TBC1D5: variants seen among roughly 807,000 people sequenced by gnomAD.
TBC1D5 encodes TBC1 domain family member 5, also known as TBC1 domain family, member 5.
A neutral mutation model predicts 100.3 loss-of-function variants in TBC1D5; 75 were observed. That is an observed-to-expected ratio of 0.75 (90% CI 0.62 to 0.91). TBC1D5 has a LOEUF of 0.91. Ranked by LOEUF, TBC1D5 falls within the 40% of genes least tolerant of loss-of-function variation. TBC1D5 has a pLI of 0.00. For synonymous variants in TBC1D5, 323 were observed against 325.6 expected (o/e 0.99, Z 0.09); for missense variants, 910 against 942.4 (o/e 0.97, Z 0.45).
chr3:17,454,874 AG>A (rs2095021708), intron 3 of TBC1D5, among the ~76,000 whole-genome samples: 1 of 152,170 alleles, frequency 6.6e-6, no homozygotes, highest in Non-Finnish European at 1.5e-5. Flanking sequence ...ATTAACTTAA[AG>A]AAGTAAAAGA....
At chr3:17,310,949 G>C (rs1464852734) in intron 13 of TBC1D5, among the ~76,000 whole-genome samples, 1 of 151,938 alleles carries the variant, frequency 6.6e-6, no homozygotes, top group East Asian at 1.9e-4. Flanking sequence ...ATTGGATTTA[G>C]TTCTTATATA....
chr3:17,709,971 G>A (rs771357005), intron 1 of TBC1D5, among the ~76,000 whole-genome samples: 7 of 152,124 alleles, frequency 4.6e-5, no homozygotes, highest in Non-Finnish European at 1.0e-4. Flanking sequence ...TCTCGGGAAG[G>A]AGCAATGAGC....
chr3:17,594,694 A>C (rs905808926), intron 2 of TBC1D5, among the ~76,000 whole-genome samples: 1 of 152,308 alleles, frequency 6.6e-6, no homozygotes, highest in Middle Eastern at 3.4e-3. Flanking sequence ...ACTATATGTA[A>C]TAGTATTTGG....
At chr3:17,720,949 C>T (rs2075649512) in intron 1 of TBC1D5, among the ~76,000 whole-genome samples, 4 of 151,800 alleles carry the variant, frequency 2.6e-5, no homozygotes, top group African/African-American at 9.7e-5. Flanking sequence ...AAGCGATTCT[C>T]CTGCCTCAGC....
intron 21 of TBC1D5, among the ~76,000 whole-genome samples, chr3:17,164,559 C>T (rs2066404500): frequency 6.6e-6 from 1 of 152,206 alleles, no homozygotes; most frequent in Non-Finnish European, 1.5e-5. Context: ...GCTGTGGAAG[C>T]CTTCGGAACT....
intron 1 of TBC1D5, among the ~76,000 whole-genome samples, chr3:17,691,920 C>CA (rs532925529): frequency 0.011 from 1,468 of 132,014 alleles, 33 homozygotes; most frequent in Admixed American, 0.062. Context: ...GAAGTAGAAA[C>CA]AAAAAAAAAA....
At chr3:17,703,903 G>GTTT (rs36000123) in intron 1 of TBC1D5, among the ~76,000 whole-genome samples, 1 of 145,112 alleles carries the variant, frequency 6.9e-6, no homozygotes, top group South Asian at 2.1e-4. Flanking sequence ...TGATATTTGT[G>GTTT]TTTTTTTTTT....
chr3:17,321,905 T>C (rs2085455035), intron 13 of TBC1D5, among the ~76,000 whole-genome samples: 1 of 152,264 alleles, frequency 6.6e-6, no homozygotes. Flanking sequence ...GTTGGATATA[T>C]ACCAATTATA....
chr3:17,289,296 C>T (rs11915540), intron 15 of TBC1D5, among the ~76,000 whole-genome samples: 2,492 of 152,182 alleles, frequency 0.016, 62 homozygotes, highest in African/African-American at 0.056. Flanking sequence ...CATGGTATGG[C>T]GGGCCGAGTG....
intron 18 of TBC1D5, among the ~76,000 whole-genome samples, chr3:17,190,809 C>A (rs1219252492): frequency 6.6e-6 from 1 of 152,058 alleles, no homozygotes; most frequent in African/African-American, 2.4e-5. Flanking sequence ...GAGAAGCAGA[C>A]AAGGGAACCA....
At chr3:17,438,402 G>C (rs1001853636) in intron 3 of TBC1D5, among the ~76,000 whole-genome samples, 13 of 152,236 alleles carry the variant, frequency 8.5e-5, no homozygotes, top group Admixed American at 3.3e-4. Flanking sequence ...TCAATGGGAA[G>C]GACCAGGTGG....
chr3:17,708,714 G>T (rs1199506625), intron 1 of TBC1D5, among the ~76,000 whole-genome samples: 1 of 152,108 alleles, frequency 6.6e-6, no homozygotes, highest in Non-Finnish European at 1.5e-5. Context: ...AAAATTCATG[G>T]GTTATATGTA....
At chr3:17,691,191 C>T (rs550563203) in intron 1 of TBC1D5, among the ~76,000 whole-genome samples, 14 of 152,258 alleles carry the variant, frequency 9.2e-5, no homozygotes, top group Non-Finnish European at 1.5e-4. Flanking sequence ...GGTACATCCT[C>T]ATGTTAACAG....
At position 17,255,159 on chromosome 3, in the gene TBC1D5, G is replaced by A. The variant is rs1002226013; in HGVS notation, c.1331+3347C>T. Among the ~76,000 whole-genome samples, 4 of 152,100 alleles carry A rather than the reference G, an allele frequency of 2.6e-5. No individual in the cohort carries two copies. In the South Asian group the frequency reaches 8.3e-4, roughly 32 times the overall value. On this transcript the variant is annotated intron_variant, in intron 16 of 21. Transcript: ENST00000253692. ...GTTCCAATATTTGGAGTAAGAAGAGGATTTAGCAGACCATGGCAAGAGACA... is the reference window on the plus strand; with the variant it reads ...GTTCCAATATTTGGAGTAAGAAGAGAATTTAGCAGACCATGGCAAGAGACA...
chr3:17,657,586 C>T (rs1464982021), intron 1 of TBC1D5, among the ~76,000 whole-genome samples: 1 of 152,092 alleles, frequency 6.6e-6, no homozygotes, highest in Non-Finnish European at 1.5e-5. Flanking sequence ...CTGCCCGCCT[C>T]GGCCTCCCAA....
intron 3 of TBC1D5, among the ~76,000 whole-genome samples, chr3:17,460,285 A>G (rs974151165): frequency 5.9e-5 from 9 of 152,226 alleles, no homozygotes; most frequent in Admixed American, 1.3e-4. Context: ...ATGCCAAATT[A>G]GAGAGGGTCA....
chr3:17,663,125 C>T (rs887887064), intron 1 of TBC1D5: 3 of 151,950 alleles, frequency 2.0e-5, no homozygotes, highest in Non-Finnish European at 2.9e-5. Flanking sequence ...AAAGCCAATA[C>T]ATAGAAAATA....
At chr3:17,425,379 C>T (rs1362338761) in intron 4 of TBC1D5, among the ~76,000 whole-genome samples, 1 of 152,178 alleles carries the variant, frequency 6.6e-6, no homozygotes, top group Non-Finnish European at 1.5e-5. Flanking sequence ...GTAATCCCAA[C>T]ACTTTGGGAG....
chr3:17,410,991 C>T (rs2093908298), intron 4 of TBC1D5, among the ~76,000 whole-genome samples: 2 of 152,080 alleles, frequency 1.3e-5, no homozygotes, highest in Admixed American at 6.6e-5. Context: ...AAGATGCTGC[C>T]AAACAGAATC....
Sources: gnomAD v4.1 joint callset for allele counts (sites outside exome capture counted in the v4.1 genomes callset) on GRCh38, gnomAD v4.1.1 for gene constraint, MANE v1.5 for transcripts, NCBI Gene and HGNC (gene_info 2026-07-23, HGNC 2026-07-21) for gene names.